MYEOV: variants seen among roughly 807,000 people sequenced by gnomAD.
MYEOV encodes myeloma-overexpressed gene protein.
Under a neutral mutation model 4.5 loss-of-function variants are expected in MYEOV, and 4 were observed. The ratio of observed to expected loss-of-function variants is 0.89; its 90% CI spans 0.44 to 2.03. MYEOV has a LOEUF of 2.03. Ranked by LOEUF, MYEOV falls within the 30% of genes most tolerant of loss-of-function variation. MYEOV has a pLI of 0.03. For missense variants in MYEOV, 408 were observed against 412.8 expected (o/e 0.99, Z 0.10); for synonymous variants, 184 against 170.3 (o/e 1.08, Z -0.63).
At position 69,295,179 on chromosome 11, in the gene MYEOV, G is replaced by A; in HGVS notation, c.-122-54G>A. The A allele has an allele frequency of 9.1e-7, 1 of 1,098,206 alleles. No individual in the cohort carries two copies. The highest frequency in any genetic ancestry group is 1.3e-6 in the Non-Finnish European group (1 of 790,256). The allele number at this position is 1,098,206 out of a possible 1,614,324, so 68.0% of individuals were successfully genotyped here. A position where few individuals can be genotyped will look rare whatever the true frequency, so the allele number is the denominator to read the frequency against. On this transcript the variant is annotated intron_variant, in intron 1 of 2. Transcript: ENST00000441339. This position sits in a 1 kb window ranked among gnomAD's most constrained non-coding sequence, Gnocchi z 4.1. ...CTCTCATCCTCCCCATGGTCAAGGAGGTCAGTGCCTTCCCGGGGTGGATTA... is the reference window on the plus strand; with the variant it reads ...CTCTCATCCTCCCCATGGTCAAGGAAGTCAGTGCCTTCCCGGGGTGGATTA...
At position 69,296,274 on chromosome 11, in the gene MYEOV, G is replaced by T; in HGVS notation, c.824G>T (p.Gly275Val). ...TVEALGGWRM[G>V]VRRTGQVGPT... ...GAGGCCCTGGGGGGGTGGCGCATGG[G>T]AGTTAGGAGGACTGGCCAGGTGGGG... Residue 275 changes from glycine (G) to valine (V), a missense_variant, in exon 3 of 3, where the codon GGA becomes GTA. Coordinates refer to ENST00000441339, the MANE Select transcript of MYEOV (RefSeq NM_001293291.2). The T allele has an allele frequency of 1.9e-6, 3 of 1,572,648 alleles. No individual in the cohort carries two copies. Among genetic ancestry groups the T allele is most frequent in the Non-Finnish European group, 2.6e-6 (3 of 1,156,820 alleles).
At position 69,295,263 on chromosome 11, in the gene MYEOV, A is replaced by T; in HGVS notation, c.-92A>T. The T allele has an allele frequency of 6.7e-7, 1 of 1,497,936 alleles. No individual in the cohort carries two copies. The highest frequency in any genetic ancestry group is 8.9e-7 in the Non-Finnish European group (1 of 1,118,984). 92.8% of individuals were successfully genotyped at this position (1,497,936 alleles called of 1,614,324 possible). ...ATTCAGGAGCAGGAAAGTTCATCTC[A>T]GACCCTAAATCCAGCCACGTCATGC... On this transcript the variant is annotated 5_prime_UTR_variant, in exon 2 of 3. Transcript: ENST00000441339. This position sits in a 1 kb window ranked among gnomAD's most constrained non-coding sequence, Gnocchi z 4.1.
In MYEOV at chr11:69,296,168, C is replaced by T. The variant is rs1317811537; in HGVS notation, c.718C>T (p.His240Tyr). Residue 240 changes from histidine (H) to tyrosine (Y), a missense_variant, in exon 3 of 3, where the codon CAC (histidine) becomes TAC (tyrosine). Physicochemically the swap from His to Tyr is moderately conservative, Grantham distance 83. Transcript: ENST00000441339. ...GGGAAGAAGAGCATGCCTGACCCTC[C>T]ACCGGCACCCCACCCCTCACTGCTC... ...ERGRRACLTL[H>Y]RHPTPHCSTW... is the part of the protein sequence containing the mutation. The T allele has an allele frequency of 4.3e-6, 7 of 1,614,046 alleles. No homozygotes were observed. The South Asian group carries it at 7.7e-5, about 18-fold the overall frequency.
rs1475201021 is a variant in MYEOV at position 69,295,308 on chromosome 11, A to T, written c.-47A>T. On this transcript the variant is annotated 5_prime_UTR_variant, in exon 2 of 3. Transcript: ENST00000441339. The surrounding 1 kb of genome is among the most constrained non-coding windows in gnomAD (Gnocchi z 4.1). ...TCATGCCACGCTTAACACCTCTAAC[A>T]ACTTCCCCTGGCACTTAGGACAGCG... The T allele has an allele frequency of 6.4e-7, 1 of 1,553,814 alleles. No homozygotes were observed. Among genetic ancestry groups the T allele is most frequent in the Admixed American group, 2.0e-5 (1 of 51,016 alleles).
At position 69,295,965 on chromosome 11, in the gene MYEOV, G is replaced by A. The variant is rs1855176464; in HGVS notation, c.515G>A (p.Gly172Asp). The A allele has an allele frequency of 6.2e-7, 1 of 1,614,042 alleles. No homozygotes were observed. The highest frequency in any genetic ancestry group is 8.5e-7 in the Non-Finnish European group (1 of 1,180,026). The change falls in exon 3 of 3, where the codon GGC (glycine) becomes GAC (aspartate). Residue 172 changes from glycine (G) to aspartate (D), a missense_variant. By Grantham distance (94) the Gly-to-Asp change is moderately conservative. Coordinates refer to ENST00000441339, the MANE Select transcript of MYEOV (RefSeq NM_001293291.2). The surrounding 1 kb of genome is among the most constrained non-coding windows in gnomAD (Gnocchi z 4.1). ...CACCTGGGAGAAGCCTTTAGAGTGG[G>A]CGTTGAGCAGGCCATTAGCTCGTGC... Reference protein sequence around the residue: ...VAHLGEAFRVGVEQAISSCPE... With the variant: ...VAHLGEAFRVDVEQAISSCPE...
Position 69,296,041 on chromosome 11 carries a change from G to A in MYEOV, c.591G>A (p.Ala197=), listed in dbSNP as rs1370478036. ...RHGLSMEIMW[A]RMDVALRSPG... ...GGCTCTCCATGGAAATTATGTGGGCGCGAATGGATGTGGCTCTGCGCTCAC... is the reference window on the plus strand; with the variant it reads ...GGCTCTCCATGGAAATTATGTGGGCACGAATGGATGTGGCTCTGCGCTCAC... The change falls in exon 3 of 3, where the codon GCG becomes GCA. Residue 197 remains alanine, a synonymous_variant. Transcript: ENST00000441339. 5 of 1,614,004 alleles carry A rather than the reference G, an allele frequency of 3.1e-6. No individual in the cohort carries two copies. Among genetic ancestry groups the A allele is most frequent in the East Asian group, 2.2e-5 (1 of 44,894 alleles).
chr11:69,294,584 G>A lies in MYEOV; in HGVS notation c.-123+8G>A, dbSNP rs1344350810. 6.6e-6 allele frequency: 1 copy of A among 152,428 alleles called. No individual in the cohort carries two copies. Among genetic ancestry groups the A allele is most frequent in the African/African-American group, 2.4e-5 (1 of 41,450 alleles). 9.4% of individuals were successfully genotyped at this position (152,428 alleles called of 1,614,324 possible). On this transcript the variant is annotated splice_region_variant and intron_variant, in intron 1 of 2. Transcript: ENST00000441339. ...TTGGTGGGATCTGAGCAGGTAAGAA[G>A]CAGGGTCTTTCTTATGTTTTAAGGA...
rs763740040 is a variant in MYEOV at position 69,296,309 on chromosome 11, C to G, written c.859C>G (p.His287Asp). ...RRTGQVGPTM[H>D]PPPVSGASPL... Reference sequence around the variant, plus strand: ...GACTGGCCAGGTGGGGCCCACTATGCACCCACCCCCAGTGTCAGGTGCTTC... The same window carrying G: ...GACTGGCCAGGTGGGGCCCACTATGGACCCACCCCCAGTGTCAGGTGCTTC... Residue 287 changes from histidine to aspartate, a missense_variant, in exon 3 of 3, where the codon CAC (histidine) becomes GAC (aspartate). Transcript: ENST00000441339. 2.6e-6 allele frequency: 4 copies of G among 1,529,258 alleles called. No homozygotes were observed. The South Asian group carries it at 5.2e-5, about 20-fold the overall frequency. 94.7% of individuals were successfully genotyped at this position (1,529,258 alleles called of 1,614,324 possible).
rs1855210459 is a variant in MYEOV at position 69,296,694 on chromosome 11, A to G, written c.*302A>G. 3.0e-6 allele frequency: 1 copy of G among 333,156 alleles called. No individual in the cohort carries two copies. The highest frequency in any genetic ancestry group is 4.3e-5 in the Admixed American group (1 of 23,180). 20.6% of individuals were successfully genotyped at this position (333,156 alleles called of 1,614,324 possible). ...CATGATAACCCAGCTCCTTCTGGTC[A>G]TTTTCTCAGCTGGTTAGAGGCTGGG... On this transcript the variant is annotated 3_prime_UTR_variant, in exon 3 of 3. Coordinates refer to ENST00000441339, the MANE Select transcript of MYEOV (RefSeq NM_001293291.2).
Position 69,295,413 on chromosome 11 carries a change from G to C in MYEOV, c.59G>C (p.Arg20Pro). 5.0e-6 allele frequency: 8 copies of C among 1,613,620 alleles called. No homozygotes were observed. Among genetic ancestry groups the C allele is most frequent in the Non-Finnish European group, 6.8e-6 (8 of 1,179,616 alleles). Residue 20 changes from arginine (R) to proline (P), a missense_variant, in exon 2 of 3, where the codon CGC (arginine) becomes CCC (proline). Arg to Pro is a moderately radical substitution (Grantham distance 103). Transcript: ENST00000441339. This position sits in a 1 kb window ranked among gnomAD's most constrained non-coding sequence, Gnocchi z 4.1. ...GCTCTCCCGATAGGTCTCTGCACTCGCTGTTGCCTCTGCCTGGAACAGTCT... is the reference window on the plus strand; with the variant it reads ...GCTCTCCCGATAGGTCTCTGCACTCCCTGTTGCCTCTGCCTGGAACAGTCT... ...TPALPIGLCT[R>P]CCLCLEQSPS...
In MYEOV at chr11:69,295,278, C is replaced by T; in HGVS notation, c.-77C>T. Reference sequence around the variant, plus strand: ...AGTTCATCTCAGACCCTAAATCCAGCCACGTCATGCCACGCTTAACACCTC... The same window carrying T: ...AGTTCATCTCAGACCCTAAATCCAGTCACGTCATGCCACGCTTAACACCTC... On this transcript the variant is annotated 5_prime_UTR_variant, in exon 2 of 3. Coordinates refer to ENST00000441339, the MANE Select transcript of MYEOV (RefSeq NM_001293291.2). The surrounding 1 kb of genome is among the most constrained non-coding windows in gnomAD (Gnocchi z 4.1). 1 of 1,519,522 alleles carries T rather than the reference C, an allele frequency of 6.6e-7. No homozygotes were observed. Among genetic ancestry groups the T allele is most frequent in the South Asian group, 1.3e-5 (1 of 78,410 alleles). 94.1% of individuals were successfully genotyped at this position (1,519,522 alleles called of 1,614,324 possible).
At position 69,295,843 on chromosome 11, in the gene MYEOV, C is replaced by T; in HGVS notation, c.393C>T (p.Ser131=). ...LSQEAEDVDV[S]RARRVTDAPQ... The stretch of plus-strand genomic sequence containing the variant: ...AGGAGGCAGAAGACGTGGACGTGTC[C>T]CGGGCCAGGAGGGTCACAGATGCAC... The change falls in exon 3 of 3, where the codon TCC becomes TCT. Residue 131 remains serine, a synonymous_variant. Coordinates refer to ENST00000441339, the MANE Select transcript of MYEOV (RefSeq NM_001293291.2). The surrounding 1 kb of genome is among the most constrained non-coding windows in gnomAD (Gnocchi z 4.1). 1 of 1,614,148 alleles carries T rather than the reference C, an allele frequency of 6.2e-7. No individual in the cohort carries two copies. The highest frequency in any genetic ancestry group is 8.5e-7 in the Non-Finnish European group (1 of 1,180,026).
intron 1 of MYEOV, among the ~76,000 whole-genome samples, chr11:69,294,994 T>A (rs1855139136): frequency 6.6e-6 from 1 of 152,048 alleles, no homozygotes. Context: ...GAGTCATCTG[T>A]GGCTATAAAC....
chr11:69,296,077 A>G lies in MYEOV; in HGVS notation c.627A>G (p.Gly209=). 6.2e-7 allele frequency: 1 copy of G among 1,614,030 alleles called. No homozygotes were observed. Among genetic ancestry groups the G allele is most frequent in the Non-Finnish European group, 8.5e-7 (1 of 1,180,002 alleles). The change falls in exon 3 of 3, where the codon GGA becomes GGG. Residue 209 remains glycine (G), a synonymous_variant. Transcript: ENST00000441339. ...TGGCTCTGCGCTCACCTGGGCGAGG[A>G]CTTCTGGCCGGTGCCGGGGCACTCT... is the stretch of plus-strand genomic sequence containing the variant. The part of the protein sequence containing the change: ...MDVALRSPGR[G]LLAGAGALCM...
rs1211379330 is a variant in MYEOV, at chr11:69,296,238, T to C, written c.788T>C (p.Val263Ala). The change falls in exon 3 of 3, where the codon GTT (valine) becomes GCT (alanine). Residue 263 changes from valine to alanine, a missense_variant. Transcript: ENST00000441339. ...CGGGTGGCTGGGTCCTGGCTGACTG[T>C]TGTGACTGTTGAGGCCCTGGGGGGG... ...PLRVAGSWLT[V>A]VTVEALGGWR... The C allele has an allele frequency of 4.4e-6, 7 of 1,603,802 alleles. No homozygotes were observed. The highest frequency in any genetic ancestry group is 1.7e-5 in the Admixed American group (1 of 59,516).
chr11:69,295,597 C>A lies in MYEOV; in HGVS notation c.147C>A (p.Val49=). ...ATCGGTTTTCTTGTCTGTAGTCTGT[C>A]CCCCTTGGGGACAGGGACTCGTTGC... is the stretch of plus-strand genomic sequence containing the variant. ...SFLTFHLHQS[V]PLGDRDSLLM... Residue 49 remains valine, a synonymous_variant, in exon 3 of 3, where the codon GTC becomes GTA. Coordinates refer to ENST00000441339, the MANE Select transcript of MYEOV (RefSeq NM_001293291.2). This position sits in a 1 kb window ranked among gnomAD's most constrained non-coding sequence, Gnocchi z 4.1. The A allele has an allele frequency of 6.2e-7, 1 of 1,612,886 alleles. No individual in the cohort carries two copies. Among genetic ancestry groups the A allele is most frequent in the South Asian group, 1.1e-5 (1 of 90,994 alleles).
In MYEOV at chr11:69,296,284, G is replaced by C. The variant is rs761184693; in HGVS notation, c.834G>C (p.Arg278Ser). ...GGGGGTGGCGCATGGGAGTTAGGAG[G>C]ACTGGCCAGGTGGGGCCCACTATGC... is the stretch of plus-strand genomic sequence containing the variant. ...ALGGWRMGVR[R>S]TGQVGPTMHP... is the part of the protein sequence containing the mutation. Residue 278 changes from arginine (R) to serine (S), a missense_variant, in exon 3 of 3, where the codon AGG (arginine) becomes AGC (serine). Coordinates refer to ENST00000441339, the MANE Select transcript of MYEOV (RefSeq NM_001293291.2). 1.3e-6 allele frequency: 2 copies of C among 1,564,724 alleles called. No individual in the cohort carries two copies. Among genetic ancestry groups the C allele is most frequent in the Non-Finnish European group, 1.7e-6 (2 of 1,152,796 alleles).
rs1466522788 is a variant in MYEOV at position 69,294,350 on chromosome 11, C to T, written c.-349C>T. 2 of 152,300 alleles carry T rather than the reference C, an allele frequency of 1.3e-5. No individual in the cohort carries two copies. Among genetic ancestry groups the T allele is most frequent in the Non-Finnish European group, 2.9e-5 (2 of 68,132 alleles). The allele number at this position is 152,300 out of a possible 1,614,324, so 9.4% of individuals were successfully genotyped here. A position where few individuals can be genotyped will look rare whatever the true frequency, so the allele number is the denominator to read the frequency against. ...TGCTTTCACCAGCCATATTAGCTCC[C>T]ACTCACCCCCCGTCGTGGAAGCCTC... On this transcript the variant is annotated 5_prime_UTR_variant, in exon 1 of 3. Coordinates refer to ENST00000441339, the MANE Select transcript of MYEOV (RefSeq NM_001293291.2).
rs1855221485 is a variant in MYEOV at position 69,297,148 on chromosome 11, A to G, written c.*756A>G. ...GGGAGCTTTAGGCTTGCTCTCAGTC[A>G]CCACATTAGCTCAGGGGTTTGGGCA... On this transcript the variant is annotated 3_prime_UTR_variant, in exon 3 of 3. Coordinates refer to ENST00000441339, the MANE Select transcript of MYEOV (RefSeq NM_001293291.2). The G allele has an allele frequency of 6.6e-6, 1 of 152,096 alleles. No homozygotes were observed. The highest frequency in any genetic ancestry group is 1.5e-5 in the Non-Finnish European group (1 of 68,024). 9.4% of individuals were successfully genotyped at this position (152,096 alleles called of 1,614,324 possible). A position where few individuals can be genotyped will look rare whatever the true frequency, so the allele number is the denominator to read the frequency against.
Sources: gnomAD v4.1 joint callset for allele counts (sites outside exome capture counted in the v4.1 genomes callset) on GRCh38, gnomAD v4.1.1 for gene constraint, Gnocchi (gnomAD v3.1) non-coding constraint, MANE v1.5 for transcripts, NCBI Gene and HGNC (gene_info 2026-07-23, HGNC 2026-07-21) for gene names.